ACSS3: variants seen among roughly 807,000 people sequenced by gnomAD.
ACSS3 encodes acyl-CoA synthetase short-chain family member 3, mitochondrial.
Under a neutral mutation model 84.2 loss-of-function variants are expected in ACSS3, and 64 were observed. The observed-to-expected ratio is 0.76, with a 90% CI of 0.62 to 0.94. ACSS3 has a LOEUF of 0.94. ACSS3 is among the 40% of genes least tolerant of loss of function. ACSS3 has a pLI of 0.00. For missense variants in ACSS3, 815 were observed against 867.6 expected, an observed-to-expected ratio of 0.94 and a Z score of 0.76; for synonymous variants, 317 against 310.1, an observed-to-expected ratio of 1.02 and a Z score of -0.23.
intron 1 of ACSS3, among the ~76,000 whole-genome samples, chr12:81,086,753 C>G (rs958371974): frequency 6.6e-6 from 1 of 152,012 alleles, no homozygotes; most frequent in Non-Finnish European, 1.5e-5. Flanking sequence ...ATTCTACTTT[C>G]ATAAGCAACA....
chr12:81,109,016 T>C (rs1883332176), intron 1 of ACSS3, among the ~76,000 whole-genome samples: 1 of 152,204 alleles, frequency 6.6e-6, no homozygotes, highest in African/African-American at 2.4e-5. Context: ...ATTCAAATTA[T>C]GAAGCATTTC....
At chr12:81,220,783 T>A (rs1382290932) in intron 11 of ACSS3, among the ~76,000 whole-genome samples, 2 of 152,112 alleles carry the variant, frequency 1.3e-5, no homozygotes, top group East Asian at 3.9e-4. Context: ...CTGTTTTCCC[T>A]TAACCTTGTC....
At chr12:81,237,547 C>A (rs560226245) in intron 13 of ACSS3, among the ~76,000 whole-genome samples, 16 of 151,536 alleles carry the variant, frequency 1.1e-4, no homozygotes, top group Non-Finnish European at 1.9e-4. Context: ...TATTTTAAAT[C>A]TTATCCCGAG....
intron 7 of ACSS3, among the ~76,000 whole-genome samples, chr12:81,163,971 A>G (rs1405541911): frequency 1.3e-5 from 2 of 152,192 alleles, no homozygotes; most frequent in African/African-American, 2.4e-5. Context: ...GAGAAATAAA[A>G]CTACTTCTTT....
At chr12:81,160,236 G>A (rs557171805) in intron 7 of ACSS3, among the ~76,000 whole-genome samples, 2 of 152,272 alleles carry the variant, frequency 1.3e-5, no homozygotes, top group East Asian at 3.9e-4. Context: ...AGGGATATAA[G>A]TTTGCTCTCA....
In ACSS3 at chr12:81,134,918, G is replaced by A; in HGVS notation, c.559G>A (p.Ala187Thr). ...CCCACAGGCGATGTATACCATGTTG[G>A]CATGTGCAAGGATAGGTGCCATCCA... is the stretch of plus-strand genomic sequence containing the variant. ...MIPQAMYTML[A>T]CARIGAIHSL... The change falls in exon 3 of 16, where the codon GCA becomes ACA. Residue 187 changes from alanine (A) to threonine (T), a missense_variant. Ala to Thr is a moderately conservative substitution (Grantham distance 58). Coordinates refer to ENST00000548058, the MANE Select transcript of ACSS3 (RefSeq NM_024560.4). 6.2e-7 allele frequency: 1 copy of A among 1,607,856 alleles called. No individual in the cohort carries two copies. Among genetic ancestry groups the A allele is most frequent in the Non-Finnish European group, 8.5e-7 (1 of 1,176,686 alleles).
At chr12:81,149,666 A>G (rs1426070276) in intron 5 of ACSS3, among the ~76,000 whole-genome samples, 2 of 152,198 alleles carry the variant, frequency 1.3e-5, no homozygotes, top group Admixed American at 6.5e-5. Context: ...AAATAAAAGT[A>G]AGTGGGTATC....
chr12:81,110,160 T>C (rs1883459226), intron 2 of ACSS3, among the ~76,000 whole-genome samples: 1 of 152,246 alleles, frequency 6.6e-6, no homozygotes, highest in Admixed American at 6.5e-5. Context: ...TAAAAAATGC[T>C]GTTATTCAGA....
intron 9 of ACSS3, among the ~76,000 whole-genome samples, chr12:81,209,134 T>A (rs1882180): frequency 0.31 from 46,741 of 151,814 alleles, 8,843 homozygotes; most frequent in Middle Eastern, 0.43. Context: ...ATCTTTATCA[T>A]GGGAGCCTAA....
At chr12:81,234,866 A>C (rs1471760624) in intron 13 of ACSS3, among the ~76,000 whole-genome samples, 2 of 151,164 alleles carry the variant, frequency 1.3e-5, no homozygotes, top group Non-Finnish European at 3.0e-5. Context: ...TATTTTATTA[A>C]AAGTGTCCAT....
At chr12:81,248,787 C>G (rs75512806) in intron 13 of ACSS3, among the ~76,000 whole-genome samples, 1 of 151,862 alleles carries the variant, frequency 6.6e-6, no homozygotes, top group Non-Finnish European at 1.5e-5. Flanking sequence ...TCATTACACA[C>G]TCTATGCATG....
intron 1 of ACSS3, among the ~76,000 whole-genome samples, chr12:81,089,802 G>A (rs546427532): frequency 2.0e-5 from 3 of 151,938 alleles, no homozygotes; most frequent in Admixed American, 6.6e-5. Context: ...TGGGCCCTAT[G>A]CTAATCACTA....
At chr12:81,199,929 G>T in intron 9 of ACSS3, 1 of 259,022 alleles carries the variant, frequency 3.9e-6, no homozygotes, top group Non-Finnish European at 7.7e-6. Flanking sequence ...AGGACTCTCT[G>T]GCCACCTTCT....
At chr12:81,087,089 G>A in intron 1 of ACSS3, among the ~76,000 whole-genome samples, 1 of 152,026 alleles carries the variant, frequency 6.6e-6, no homozygotes, top group Non-Finnish European at 1.5e-5. Flanking sequence ...TGAGTTTGAA[G>A]GAGTCCAATT....
rs1244829075 is a variant in ACSS3, at chr12:81,170,848, T to C, written c.1099-3940T>C. Among the ~76,000 whole-genome samples the C allele has an allele frequency of 5.3e-5, 8 of 152,260 alleles. No homozygotes were observed. The South Asian group carries it at 1.5e-3, about 28-fold the overall frequency. ...CATTGTGAAGAGATTTTATTGCTTA[T>C]GTGTGCATGCTTGTCTATGTGTGTG... On this transcript the variant is annotated intron_variant, in intron 7 of 15. Transcript: ENST00000548058.
At chr12:81,148,638 C>T (rs1340908363) in intron 5 of ACSS3, among the ~76,000 whole-genome samples, 6 of 152,094 alleles carry the variant, frequency 3.9e-5, no homozygotes, top group Non-Finnish European at 8.8e-5. Context: ...TTTTCAAGTT[C>T]CGCAGACATC....
At chr12:81,158,865 C>G (rs558843794) in intron 7 of ACSS3, among the ~76,000 whole-genome samples, 16 of 152,202 alleles carry the variant, frequency 1.1e-4, no homozygotes, top group Admixed American at 4.6e-4. Flanking sequence ...TCATATTAGT[C>G]TTTAGGCTCC....
chr12:81,225,699 T>G (rs1164170108), intron 11 of ACSS3, among the ~76,000 whole-genome samples: 1 of 151,948 alleles, frequency 6.6e-6, no homozygotes, highest in African/African-American at 2.4e-5. Flanking sequence ...CTAAATTTCT[T>G]TTTCTTGTAG....
At chr12:81,215,131 T>C (rs2032857834) in intron 9 of ACSS3, among the ~76,000 whole-genome samples, 1 of 152,190 alleles carries the variant, frequency 6.6e-6, no homozygotes, top group Admixed American at 6.5e-5. Context: ...TTAACACTTC[T>C]GACCATGCAG....
Sources: gnomAD v4.1 joint callset for allele counts (sites outside exome capture counted in the v4.1 genomes callset) on GRCh38, gnomAD v4.1.1 for gene constraint, MANE v1.5 for transcripts, NCBI Gene and HGNC (gene_info 2026-07-23, HGNC 2026-07-21) for gene names.